Variants in THSD7B observed in about 807,000 individuals in gnomAD.
The protein encoded by THSD7B is thrombospondin type-1 domain-containing protein 7B.
In THSD7B, 138 loss-of-function variants were observed where a neutral mutation model predicts 213.6. The observed-to-expected ratio is 0.65, with a 90% CI of 0.56 to 0.74. THSD7B has a LOEUF of 0.74. THSD7B is among the 30% of genes least tolerant of loss of function. The pLI is 0.00. For synonymous variants in THSD7B, 742 were observed against 687.0 expected (o/e 1.08, Z -1.25); for missense variants, 1,931 against 1,991.5 (o/e 0.97, Z 0.58).
chr2:137,152,961 C>A (rs1486077655), intron 5 of THSD7B, among the ~76,000 whole-genome samples: 1 of 152,182 alleles, frequency 6.6e-6, no homozygotes, highest in Admixed American at 6.5e-5. Flanking sequence ...CTTCTCACTT[C>A]ATGAACTGTA....
chr2:137,119,189 T>C (rs1330821825), intron 5 of THSD7B, among the ~76,000 whole-genome samples: 1 of 152,206 alleles, frequency 6.6e-6, no homozygotes, highest in Admixed American at 6.5e-5. Context: ...ACCACATAAA[T>C]GTTGTACCAG....
At position 136,765,680 on chromosome 2, in the gene THSD7B, C is replaced by A. The variant is rs932602124; in HGVS notation, c.-43C>A. The A allele has an allele frequency of 2.6e-5, 4 of 152,166 alleles. No homozygotes were observed. The highest frequency in any genetic ancestry group is 9.7e-5 in the African/African-American group (4 of 41,438). 9.4% of individuals were successfully genotyped at this position (152,166 alleles called of 1,614,324 possible). A position where few individuals can be genotyped will look rare whatever the true frequency, so the allele number is the denominator to read the frequency against. The stretch of plus-strand genomic sequence containing the variant: ...CCAGAGGTTACGGCGGCGGCTCTGG[C>A]GAGACGGGTGAGTGCAAGCACGCGG... On this transcript the variant is annotated 5_prime_UTR_variant, in exon 1 of 28. Transcript: ENST00000409968.
intron 12 of THSD7B, among the ~76,000 whole-genome samples, chr2:137,404,430 GATATATATATATATATATATAT>G (rs59001356): frequency 8.1e-5 from 4 of 49,302 alleles, no homozygotes; most frequent in African/African-American, 3.5e-4. Flanking sequence ...GAAACTCTGA[GATATATATATATATATATATAT>G]ATATATATAT....
At chr2:137,019,019 C>G (rs1558889160) in intron 2 of THSD7B, among the ~76,000 whole-genome samples, 1 of 152,092 alleles carries the variant, frequency 6.6e-6, no homozygotes. Context: ...TTACTTCTTT[C>G]TTGTCCCTGC....
intron 1 of THSD7B, among the ~76,000 whole-genome samples, chr2:136,845,177 CTG>C (rs1320545216): frequency 1.3e-5 from 2 of 152,136 alleles, no homozygotes; most frequent in Non-Finnish European, 2.9e-5. Context: ...AAGGGAGAGA[CTG>C]TTGTGCATTG....
At chr2:136,833,481 C>G (rs1028810637) in intron 1 of THSD7B, among the ~76,000 whole-genome samples, 3 of 120,668 alleles carry the variant, frequency 2.5e-5, no homozygotes, top group Admixed American at 8.7e-5. Flanking sequence ...AATGACCAAT[C>G]TCTTTCCTTT....
At chr2:136,856,176 A>G (rs1683177981) in intron 1 of THSD7B, among the ~76,000 whole-genome samples, 2 of 152,160 alleles carry the variant, frequency 1.3e-5, no homozygotes, top group South Asian at 2.1e-4. Context: ...TCACTGGCAT[A>G]TGGTAGACTC....
chr2:137,057,985 T>C (rs1687201878), intron 3 of THSD7B, among the ~76,000 whole-genome samples: 1 of 152,226 alleles, frequency 6.6e-6, no homozygotes, highest in Admixed American at 6.5e-5. Flanking sequence ...ATGAAGCATT[T>C]GTGTATTACT....
intron 1 of THSD7B, among the ~76,000 whole-genome samples, chr2:136,765,962 C>G (rs1234613816): frequency 6.6e-6 from 1 of 152,344 alleles, no homozygotes; most frequent in South Asian, 2.1e-4. Flanking sequence ...ACGCCCCACG[C>G]GGCGACCTGA....
chr2:137,260,782 A>G (rs1682425399), intron 10 of THSD7B, among the ~76,000 whole-genome samples: 1 of 152,106 alleles, frequency 6.6e-6, no homozygotes. Flanking sequence ...AAATAAATAA[A>G]CAAACCTTTC....
At chr2:137,097,044 C>A (rs985540308) in intron 4 of THSD7B, among the ~76,000 whole-genome samples, 3 of 152,156 alleles carry the variant, frequency 2.0e-5, no homozygotes, top group African/African-American at 7.2e-5. Context: ...ATTGGGAAAT[C>A]TTATTTCCCT....
rs1424712639 is a variant in THSD7B at position 137,663,516 on chromosome 2, C to T, written c.4592C>T (p.Pro1531Leu). Residue 1531 changes from proline (P) to leucine (L), a missense_variant, in exon 26 of 28, where the codon CCT becomes CTT. By Grantham distance (98) the Pro-to-Leu change is moderately conservative. Transcript: ENST00000409968. ...DVKNLSGKNR[P>L]VNSKIHDIFK... ...AAAAACCTTTCTGGGAAAAACAGAC[C>T]TGTGAATTCAAAAATACATGATATT... 2 of 1,608,122 alleles carry T rather than the reference C, an allele frequency of 1.2e-6. No homozygotes were observed. Among genetic ancestry groups the T allele is most frequent in the Middle Eastern group, 1.7e-4 (1 of 6,056 alleles).
At chr2:137,508,543 A>AT (rs70978232) in intron 15 of THSD7B, among the ~76,000 whole-genome samples, 9,137 of 132,312 alleles carry the variant, frequency 0.069, 342 homozygotes, top group Middle Eastern at 0.1. Flanking sequence ...TGCCCGGCTA[A>AT]TTTTTTTTTT....
rs954451182 is a variant in THSD7B at position 137,237,223 on chromosome 2, T to C, written c.2150+4090T>C. ...AATATATTCATTGAAATGGAATTCG[T>C]TCCCTTTTATGGAGAGCATTGCTAA... is the stretch of plus-strand genomic sequence containing the variant. On this transcript the variant is annotated intron_variant, in intron 9 of 27. Coordinates refer to ENST00000409968, the MANE Select transcript of THSD7B (RefSeq NM_001316349.2). 2.6e-5 allele frequency among the ~76,000 whole-genome samples: 4 copies of C among 152,212 alleles called. No individual in the cohort carries two copies. The East Asian group carries it at 7.7e-4, about 29-fold the overall frequency.
chr2:137,453,562 C>A (rs774937913), intron 15 of THSD7B, among the ~76,000 whole-genome samples: 5 of 152,042 alleles, frequency 3.3e-5, no homozygotes, highest in Non-Finnish European at 5.9e-5. Context: ...ATCTCCTGAC[C>A]TCGTGCTCTG....
At chr2:137,124,454 C>G (rs1225109389) in intron 5 of THSD7B, among the ~76,000 whole-genome samples, 1 of 152,156 alleles carries the variant, frequency 6.6e-6, no homozygotes. Flanking sequence ...TTAAGCTTTA[C>G]ATCAGGTTCT....
At chr2:137,256,032 C>T (rs1682300102) in intron 10 of THSD7B, among the ~76,000 whole-genome samples, 1 of 152,080 alleles carries the variant, frequency 6.6e-6, no homozygotes, top group Non-Finnish European at 1.5e-5. Context: ...CCCCCTTCTT[C>T]CTGTTTTTTT....
chr2:137,520,713 T>C (rs1472657280), intron 15 of THSD7B, among the ~76,000 whole-genome samples: 2 of 152,224 alleles, frequency 1.3e-5, no homozygotes, highest in African/African-American at 2.4e-5. Context: ...TAAGGTACTT[T>C]TATCTTCAGC....
chr2:136,829,727 G>C (rs1018265172), intron 1 of THSD7B, among the ~76,000 whole-genome samples: 2 of 152,110 alleles, frequency 1.3e-5, no homozygotes, highest in South Asian at 4.2e-4. Context: ...GATCCTGAGG[G>C]AAAATATGGG....
Sources: gnomAD v4.1 joint callset for allele counts (sites outside exome capture counted in the v4.1 genomes callset) on GRCh38, gnomAD v4.1.1 for gene constraint, MANE v1.5 for transcripts, NCBI Gene and HGNC (gene_info 2026-07-23, HGNC 2026-07-21) for gene names.